The following KHDRBS2 variants were observed in gnomAD, a reference collection of about 807,000 sequenced individuals.
KHDRBS2 encodes the protein KH domain-containing, RNA-binding, signal transduction-associated protein 2.
Under a neutral mutation model 44.3 loss-of-function variants are expected in KHDRBS2, and 26 were observed. The ratio of observed to expected loss-of-function variants is 0.59; its 90% CI spans 0.43 to 0.81. The LOEUF (loss-of-function observed/expected upper bound fraction) is 0.81. Among genes scored for constraint, KHDRBS2 ranks in the 40% least tolerant of loss-of-function variants. The probability of loss-of-function intolerance (pLI) is 0.00; values close to 1 mark genes in which losing one functional copy is unlikely to be tolerated. For synonymous variants in KHDRBS2, 194 were observed against 151.1 expected, an observed-to-expected ratio of 1.28 and a Z score of -2.08; for missense variants, 476 against 433.1, an observed-to-expected ratio of 1.10 and a Z score of -0.88.
At chr6:62,072,772 T>C (rs952183936) in intron 2 of KHDRBS2, among the ~76,000 whole-genome samples, 11 of 152,176 alleles carry the variant, frequency 7.2e-5, no homozygotes, top group African/African-American at 2.7e-4. Flanking sequence ...TTTGCATCGA[T>C]GTTCATCAGG....
chr6:62,144,623 CT>C (rs1167904858), intron 2 of KHDRBS2, among the ~76,000 whole-genome samples: 2 of 151,868 alleles, frequency 1.3e-5, no homozygotes, highest in African/African-American at 2.4e-5. Flanking sequence ...GATATTTACT[CT>C]AGTATTTTAA....
chr6:61,961,438 AAGAAAG>A (rs1341400875), intron 4 of KHDRBS2, among the ~76,000 whole-genome samples: 2 of 147,286 alleles, frequency 1.4e-5, no homozygotes, highest in African/African-American at 2.4e-5. Flanking sequence ...GAGAGAAAGA[AAGAAAG>A]AGAAAAAAAG....
At chr6:61,876,567 C>T (rs536782841) in intron 6 of KHDRBS2, among the ~76,000 whole-genome samples, 66 of 152,142 alleles carry the variant, frequency 4.3e-4, no homozygotes, top group African/African-American at 1.5e-3. Flanking sequence ...CTGGTGCCTT[C>T]ATCACCTAGA....
At chr6:62,160,920 A>G (rs1466354552) in intron 2 of KHDRBS2, among the ~76,000 whole-genome samples, 2 of 152,150 alleles carry the variant, frequency 1.3e-5, no homozygotes, top group Non-Finnish European at 2.9e-5. Flanking sequence ...ATTCATCTCC[A>G]TAACTCTTTT....
At chr6:62,152,689 C>T (rs1388487983) in intron 2 of KHDRBS2, among the ~76,000 whole-genome samples, 1 of 152,156 alleles carries the variant, frequency 6.6e-6, no homozygotes, top group Non-Finnish European at 1.5e-5. Flanking sequence ...CTTGACCTGA[C>T]TAAATCCTCA....
chr6:62,059,021 C>A (rs187954824), intron 2 of KHDRBS2, among the ~76,000 whole-genome samples: 6 of 151,322 alleles, frequency 4.0e-5, no homozygotes, highest in South Asian at 2.1e-4. Flanking sequence ...TATGAAAGAA[C>A]CAAATATAAA....
At chr6:61,584,008 T>G in the KHDRBS2 span, among the ~76,000 whole-genome samples, 2 of 151,838 alleles carry the variant, frequency 1.3e-5, no homozygotes, top group East Asian at 3.9e-4. Flanking sequence ...CAAGTTCAAA[T>G]TTTTCATTGC....
At chr6:62,005,256 C>T (rs1234172168) in intron 3 of KHDRBS2, among the ~76,000 whole-genome samples, 1 of 151,936 alleles carries the variant, frequency 6.6e-6, no homozygotes, top group Non-Finnish European at 1.5e-5. Context: ...AAGGAAAATT[C>T]AGATACATAA....
chr6:62,086,204 G>A (rs758157797), intron 2 of KHDRBS2, among the ~76,000 whole-genome samples: 1 of 152,054 alleles, frequency 6.6e-6, no homozygotes, highest in African/African-American at 2.4e-5. Context: ...AAAATATAAT[G>A]GGACTTTGAC....
At chr6:61,937,743 T>C (rs1347587021) in intron 4 of KHDRBS2, among the ~76,000 whole-genome samples, 1 of 152,104 alleles carries the variant, frequency 6.6e-6, no homozygotes, top group Non-Finnish European at 1.5e-5. Flanking sequence ...TTAGTAACTC[T>C]TAGATACAAG....
chr6:61,737,844 A>T (rs1435691115), intron 6 of KHDRBS2, among the ~76,000 whole-genome samples: 1 of 152,056 alleles, frequency 6.6e-6, no homozygotes, highest in East Asian at 1.9e-4. Flanking sequence ...GTTTTTATTA[A>T]GACCAATAAA....
chr6:61,840,193 A>G (rs768075340), intron 6 of KHDRBS2, among the ~76,000 whole-genome samples: 1 of 152,094 alleles, frequency 6.6e-6, no homozygotes, highest in Non-Finnish European at 1.5e-5. Context: ...CTGATATTAA[A>G]ATTGCATGCA....
intron 6 of KHDRBS2, among the ~76,000 whole-genome samples, chr6:61,756,778 C>T (rs1475718639): frequency 6.6e-6 from 1 of 152,180 alleles, no homozygotes; most frequent in African/African-American, 2.4e-5. Context: ...AGGTATGCAC[C>T]AGTGAAACTA....
At chr6:61,681,122 T>A in intron 8 of KHDRBS2, 62 bp from the exon 9 acceptor site, 1 of 1,101,714 alleles carries the variant, frequency 9.1e-7, no homozygotes, top group Non-Finnish European at 1.4e-6. Context: ...AATAGTCATT[T>A]AAGACACAAT....
the KHDRBS2 span, among the ~76,000 whole-genome samples, chr6:61,543,007 C>T: frequency 1.3e-4 from 20 of 152,082 alleles, no homozygotes; most frequent in Admixed American, 6.6e-5. Context: ...GGCTATGAAA[C>T]TCCTAAAATA....
At position 62,184,288 on chromosome 6, in the gene KHDRBS2, C is replaced by T. The variant is rs75491306; in HGVS notation, c.92-6976G>A. On this transcript the variant is annotated intron_variant, in intron 1 of 8. Transcript: ENST00000281156. Reference sequence around the variant, plus strand: ...ACATGAATCACAGAATACAAGGAAACGACTTTGCACAAATTTTACCTCTTT... The same window carrying T: ...ACATGAATCACAGAATACAAGGAAATGACTTTGCACAAATTTTACCTCTTT... Among the ~76,000 whole-genome samples, 255 of 151,644 alleles carry T rather than the reference C, an allele frequency of 1.7e-3. 6 individuals are homozygous for T. The South Asian group carries it at 0.049, about 29-fold the overall frequency.
At chr6:61,722,218 A>G (rs1393155844) in intron 7 of KHDRBS2, among the ~76,000 whole-genome samples, 1 of 152,112 alleles carries the variant, frequency 6.6e-6, no homozygotes, top group African/African-American at 2.4e-5. Context: ...AATGTTCATC[A>G]AGGATATTGG....
At chr6:62,174,316 T>TA (rs1247970778) in intron 2 of KHDRBS2, among the ~76,000 whole-genome samples, 1 of 151,302 alleles carries the variant, frequency 6.6e-6, no homozygotes, top group Non-Finnish European at 1.5e-5. Flanking sequence ...ACAATGGCCA[T>TA]AAAAAAACTA....
Position 62,107,289 on chromosome 6 carries a change from T to A in KHDRBS2, c.220-59295A>T, listed in dbSNP as rs986783871. 5.8e-4 allele frequency among the ~76,000 whole-genome samples: 88 copies of A among 152,278 alleles called. No individual in the cohort carries two copies. The Middle Eastern group carries it at 0.01, about 18-fold the overall frequency. On this transcript the variant is annotated intron_variant, in intron 2 of 8. Transcript: ENST00000281156. ...TGTATGAAAATCACAAGCATTCTTA[T>A]ACACCAATAACAGACAAACAGAGAG...
Sources: allele counts gnomAD v4.1 joint callset (sites outside exome capture counted in the v4.1 genomes callset), GRCh38; gene constraint gnomAD v4.1.1; transcripts MANE v1.5; gene names NCBI Gene and HGNC (gene_info 2026-07-23, HGNC 2026-07-21).